LRIF1: variants seen among roughly 807,000 people sequenced by gnomAD.
LRIF1 encodes ligand dependent nuclear receptor interacting factor 1.
LRIF1 carries 32 observed loss-of-function variants against 52.7 expected under a neutral mutation model. The ratio of observed to expected loss-of-function variants is 0.61; its 90% CI spans 0.46 to 0.82. The LOEUF (loss-of-function observed/expected upper bound fraction) is 0.82, where lower values mean the gene tolerates loss of function less well. Among genes scored for constraint, LRIF1 ranks in the 40% least tolerant of loss-of-function variants. The probability of loss-of-function intolerance (pLI) is 0.00; values close to 1 mark genes in which losing one functional copy is unlikely to be tolerated. For missense variants in LRIF1, 887 were observed against 892.0 expected (o/e 0.99, Z 0.07); for synonymous variants, 323 against 317.4 (o/e 1.02, Z -0.19).
the LRIF1 span, among the ~76,000 whole-genome samples, chr1:110,897,277 G>C: frequency 6.6e-6 from 1 of 152,220 alleles, no homozygotes; most frequent in Non-Finnish European, 1.5e-5. Flanking sequence ...CTTCCAACTA[G>C]ACCGAATCCC....
chr1:110,923,053 C>T, the LRIF1 span, among the ~76,000 whole-genome samples: 2 of 152,182 alleles, frequency 1.3e-5, no homozygotes, highest in Admixed American at 1.3e-4. Flanking sequence ...ACCTGTAATA[C>T]CAGCACTTTG....
the LRIF1 span, chr1:110,897,848 T>C: frequency 6.2e-7 from 1 of 1,612,558 alleles, no homozygotes; most frequent in Non-Finnish European, 8.5e-7. Flanking sequence ...TCATTCCAAT[T>C]TCCTGTATAT....
chr1:110,944,042 A>G (rs1195994853), downstream of LRIF1: 2 of 152,240 alleles, frequency 1.3e-5, no homozygotes, highest in Admixed American at 1.3e-4. Context: ...ATGTTTTAAA[A>G]GGATCACTCT....
chr1:110,894,460 G>C, the LRIF1 span: 1 of 1,287,142 alleles, frequency 7.8e-7, no homozygotes, highest in Non-Finnish European at 1.1e-6. Flanking sequence ...GTATGCAGTG[G>C]AGAAGTTGGT....
chr1:110,904,555 T>C, the LRIF1 span, among the ~76,000 whole-genome samples: 1 of 152,188 alleles, frequency 6.6e-6, no homozygotes, highest in Non-Finnish European at 1.5e-5. Context: ...AGTACTTCTA[T>C]GAGTCCATAA....
At position 110,950,114 on chromosome 1, in the gene LRIF1, C is replaced by A; in HGVS notation, c.1606G>T (p.Glu536Ter). 1 of 1,609,122 alleles carries A rather than the reference C, an allele frequency of 6.2e-7. No individual in the cohort carries two copies. Among genetic ancestry groups the A allele is most frequent in the Non-Finnish European group, 8.5e-7 (1 of 1,177,260 alleles). ...FRDQEPKIHN[E>*]MASTSDKGAQ... ...CCTTTATCTGATGTTGATGCCATCT[C>A]ATTATGGATCTGGAATTAGGAAAAG... Residue 536 changes from glutamate to a stop codon, truncating the protein, a stop_gained, in exon 3 of 4, where the codon GAG (glutamate) becomes TAG (stop). Transcript: ENST00000369763. LOFTEE classifies it high-confidence loss of function.
chr1:110,920,610 T>A, the LRIF1 span, among the ~76,000 whole-genome samples: 27,938 of 152,168 alleles, frequency 0.18, 2,959 homozygotes, highest in Middle Eastern at 0.31. Context: ...CAATGGTAGA[T>A]ACGTGTCATT....
chr1:110,899,185 T>C, the LRIF1 span: 356 of 1,612,506 alleles, frequency 2.2e-4, 2 homozygotes, highest in South Asian at 1.5e-3. Flanking sequence ...AGCCAGACCA[T>C]AGGGCTATGA....
chr1:110,899,299 A>C, the LRIF1 span: 10 of 788,092 alleles, frequency 1.3e-5, no homozygotes, highest in East Asian at 2.7e-4. Flanking sequence ...TCCTCCTCCC[A>C]TCCTTTCCCT....
chr1:110,957,363 C>T (rs1300379425), intron 1 of LRIF1, among the ~76,000 whole-genome samples: 1 of 146,892 alleles, frequency 6.8e-6, no homozygotes, highest in Admixed American at 6.8e-5. Context: ...GTCCCAGCTA[C>T]TCAGGAGGCT....
At chr1:110,926,568 A>G in the LRIF1 span, among the ~76,000 whole-genome samples, 1 of 152,154 alleles carries the variant, frequency 6.6e-6, no homozygotes, top group Non-Finnish European at 1.5e-5. Flanking sequence ...AAAGTTGTAC[A>G]AGACCTTTTA....
the LRIF1 span, among the ~76,000 whole-genome samples, chr1:110,906,219 G>T: frequency 5.9e-5 from 9 of 152,176 alleles, no homozygotes; most frequent in Admixed American, 2.6e-4. Context: ...ATATACTAAA[G>T]CCAACTGTAT....
chr1:110,931,208 C>T, the LRIF1 span, among the ~76,000 whole-genome samples: 3 of 152,048 alleles, frequency 2.0e-5, no homozygotes, highest in Admixed American at 6.6e-5. Flanking sequence ...TTGTTCAATT[C>T]CCACCTATGA....
the LRIF1 span, among the ~76,000 whole-genome samples, chr1:110,886,870 T>TATATATATATATATATA: frequency 2.8e-4 from 10 of 35,522 alleles, no homozygotes; most frequent in East Asian, 8.1e-4. Flanking sequence ...TATATATATA[T>TATATATATATATATATA]TTTTTTTTTC....
chr1:110,916,254 T>C, the LRIF1 span, among the ~76,000 whole-genome samples: 1 of 152,092 alleles, frequency 6.6e-6, no homozygotes, highest in Non-Finnish European at 1.5e-5. Flanking sequence ...TAATAATATC[T>C]TGCAAAGTTA....
At chr1:110,955,831 T>C (rs1382582580) in intron 1 of LRIF1, among the ~76,000 whole-genome samples, 1 of 152,140 alleles carries the variant, frequency 6.6e-6, no homozygotes, top group South Asian at 2.1e-4. Flanking sequence ...CCAGAACATA[T>C]GTAAATACTC....
chr1:110,915,769 T>A, the LRIF1 span, among the ~76,000 whole-genome samples: 11 of 152,368 alleles, frequency 7.2e-5, no homozygotes, highest in Middle Eastern at 3.4e-3. Context: ...GTTCAAATGC[T>A]ATTTATGTCT....
Position 110,952,322 on chromosome 1 carries a change from G to A in LRIF1, c.562C>T (p.Pro188Ser). ...VLPSGHHLQIPAHAEVKSVPA... is the reference protein window; with the variant it reads ...VLPSGHHLQISAHAEVKSVPA... ...ACAGATTTCACTTCAGCATGGGCTGGAATCTGTAAATGATGCCCAGAAGGC... is the reference window on the plus strand; with the variant it reads ...ACAGATTTCACTTCAGCATGGGCTGAAATCTGTAAATGATGCCCAGAAGGC... The change falls in exon 2 of 4, where the codon CCA becomes TCA. Residue 188 changes from proline to serine, a missense_variant. Transcript: ENST00000369763. 6.2e-7 allele frequency: 1 copy of A among 1,614,140 alleles called. No homozygotes were observed. The highest frequency in any genetic ancestry group is 8.5e-7 in the Non-Finnish European group (1 of 1,179,986).
chr1:110,897,523 G>A, the LRIF1 span: 14 of 266,538 alleles, frequency 5.3e-5, no homozygotes, highest in Non-Finnish European at 8.6e-5. Context: ...ACAGTAGGAC[G>A]TCGGTTGCTG....
Sources: gnomAD v4.1 joint callset for allele counts (sites outside exome capture counted in the v4.1 genomes callset) on GRCh38, gnomAD v4.1.1 for gene constraint, MANE v1.5 for transcripts, NCBI Gene and HGNC (gene_info 2026-07-23, HGNC 2026-07-21) for gene names.